Variants in TMEM164 observed in about 807,000 individuals in gnomAD.
TMEM164 encodes transmembrane protein 164.
Under a neutral mutation model 18.8 loss-of-function variants are expected in TMEM164, and 4 were observed. The ratio of observed to expected loss-of-function variants is 0.21; its 90% CI spans 0.10 to 0.49. The LOEUF is 0.49. Ranked by LOEUF, TMEM164 falls within the 20% of genes least tolerant of loss-of-function variation. The pLI is 0.98. For missense variants in TMEM164, 108 were observed against 239.9 expected (o/e 0.45, Z 3.63); for synonymous variants, 86 against 101.7 (o/e 0.85, Z 0.93).
At chrX:110,041,716 G>A (rs929603232) in intron 2 of TMEM164, among the ~76,000 whole-genome samples, 2 of 111,943 alleles carry the variant, frequency 1.8e-5, no homozygotes, top group Non-Finnish European at 3.8e-5. Flanking sequence ...GTACTTCAGA[G>A]CTGAGGCATG....
intron 3 of TMEM164, among the ~76,000 whole-genome samples, chrX:110,092,539 T>C (rs938416377): frequency 2.7e-5 from 3 of 112,037 alleles, no homozygotes; most frequent in Non-Finnish European, 5.6e-5. Context: ...AGAATGCTTG[T>C]GATTTTTGCA....
chrX:110,077,959 C>G (rs1353743070), intron 3 of TMEM164, among the ~76,000 whole-genome samples: 2 of 111,430 alleles, frequency 1.8e-5, no homozygotes, highest in Non-Finnish European at 3.8e-5. Context: ...TGTATAGTAT[C>G]TTGCAGGAGT....
chrX:110,015,067 C>T, intron 2 of TMEM164, among the ~76,000 whole-genome samples: 1 of 112,121 alleles, frequency 8.9e-6, no homozygotes. Flanking sequence ...ACCAGCTCTC[C>T]TCCTTTTCAA....
At chrX:110,091,740 T>A (rs1172629582) in intron 3 of TMEM164, among the ~76,000 whole-genome samples, 1 of 112,332 alleles carries the variant, frequency 8.9e-6, no homozygotes, top group Non-Finnish European at 1.9e-5. Context: ...ATTTTGTCTT[T>A]TGTTGCCATT....
At position 110,060,821 on chromosome X, in the gene TMEM164, T is replaced by A. The variant is rs112448005; in HGVS notation, c.391-6526T>A. 4.6e-3 allele frequency among the ~76,000 whole-genome samples: 512 copies of A among 112,210 alleles called. 3 individuals carry two copies. The highest frequency in any genetic ancestry group is 0.015 in the African/African-American group (467 of 30,903). On this transcript the variant is annotated intron_variant, in intron 2 of 6. Coordinates refer to ENST00000372068, the MANE Select transcript of TMEM164 (RefSeq NM_032227.4). ...TTTGGGTTTATCTGATGTTTTTTCA[T>A]GATTCCATTGAGATTATACAATTTG...
intron 2 of TMEM164, among the ~76,000 whole-genome samples, chrX:110,066,078 C>T (rs1602559361): frequency 8.9e-6 from 1 of 111,776 alleles, no homozygotes; most frequent in East Asian, 2.8e-4. Flanking sequence ...GGACTCCTGA[C>T]TGTGTTCTTT....
intron 2 of TMEM164, among the ~76,000 whole-genome samples, chrX:110,030,763 A>T (rs1300272778): frequency 1.9e-5 from 2 of 102,618 alleles, no homozygotes; most frequent in East Asian, 6.1e-4. Context: ...GTGAGCTGAG[A>T]TCGCGCCACT....
chrX:110,027,578 G>C (rs1934258981), intron 2 of TMEM164, among the ~76,000 whole-genome samples: 1 of 109,685 alleles, frequency 9.1e-6, no homozygotes, highest in South Asian at 3.9e-4. Flanking sequence ...TGACCAATAT[G>C]GTGAAACCCC....
intron 3 of TMEM164, among the ~76,000 whole-genome samples, chrX:110,086,608 ATGTATATATGTGTATATATGTATATATG>A (rs2065855971): frequency 1.1e-5 from 1 of 92,117 alleles, no homozygotes; most frequent in Non-Finnish European, 2.1e-5. Flanking sequence ...ATGTGTATAT[ATGTATATATGTGTATATATGTATATATG>A]TGTATATATA....
intron 3 of TMEM164, among the ~76,000 whole-genome samples, chrX:110,075,924 T>C (rs2065664073): frequency 9.0e-6 from 1 of 110,940 alleles, no homozygotes; most frequent in Non-Finnish European, 1.9e-5. Flanking sequence ...AGTTTTCTTT[T>C]TTCACTGTGT....
In TMEM164 at chrX:110,003,887, G is replaced by A; in HGVS notation, c.113G>A (p.Arg38Gln). The change falls in exon 2 of 7, where the codon CGG becomes CAG. Residue 38 changes from arginine to glutamine, a missense_variant. Physicochemically the swap from Arg to Gln is conservative, Grantham distance 43. Transcript: ENST00000372068. Reference protein sequence around the residue: ...DCAAFLSWQQRLLESVVVLTL... With the variant: ...DCAAFLSWQQQLLESVVVLTL... ...GCTGCCTTCCTCTCTTGGCAGCAGC[G>A]GCTGCTGGAAAGTGTGGTGGTCCTG... 2 of 1,211,702 alleles carry A rather than the reference G, an allele frequency of 1.7e-6. No individual in the cohort carries two copies. Among genetic ancestry groups the A allele is most frequent in the Non-Finnish European group, 2.2e-6 (2 of 895,453 alleles).
intron 2 of TMEM164, among the ~76,000 whole-genome samples, chrX:110,058,861 C>T (rs1403102140): frequency 4.6e-5 from 5 of 108,393 alleles, no homozygotes; most frequent in African/African-American, 1.7e-4. Context: ...AAACTCCTGA[C>T]CTCAAGTGAT....
chrX:110,058,042 T>C (rs1410763167), intron 2 of TMEM164, among the ~76,000 whole-genome samples: 1 of 111,700 alleles, frequency 9.0e-6, no homozygotes, highest in Non-Finnish European at 1.9e-5. Context: ...TTTCAAGAAG[T>C]TTTTCCTATG....
chrX:110,050,092 G>A (rs1435651452), intron 2 of TMEM164, among the ~76,000 whole-genome samples: 6 of 111,668 alleles, frequency 5.4e-5, no homozygotes, highest in African/African-American at 1.6e-4. Context: ...GCTTTGCCCC[G>A]TCACTGATTT....
rs142222896 is a variant in TMEM164 at position 110,146,264 on chromosome X, A to G, written c.586+1388A>G. The stretch of plus-strand genomic sequence containing the variant: ...GGTGTGTGATGGAAGTCCTAGCCAA[A>G]TCTGCATGGCTGTTATTTAAACATA... On this transcript the variant is annotated intron_variant, in intron 5 of 6. Coordinates refer to ENST00000372068, the MANE Select transcript of TMEM164 (RefSeq NM_032227.4). 2.4e-3 allele frequency among the ~76,000 whole-genome samples: 268 copies of G among 112,208 alleles called. 4 individuals are homozygous for G. Among genetic ancestry groups the G allele is most frequent in the African/African-American group, 8.1e-3 (251 of 30,856 alleles).
Position 110,173,705 on chromosome X carries a change from T to C in TMEM164, c.*254T>C, listed in dbSNP as rs1207788414. On this transcript the variant is annotated 3_prime_UTR_variant, in exon 7 of 7. Coordinates refer to ENST00000372068, the MANE Select transcript of TMEM164 (RefSeq NM_032227.4). Reference sequence around the variant, plus strand: ...CCTTTGGCTCTCTCTCTGCTCCTAGTGGCCTTACATGGGGAGATTGCAGTG... The same window carrying C: ...CCTTTGGCTCTCTCTCTGCTCCTAGCGGCCTTACATGGGGAGATTGCAGTG... The C allele has an allele frequency of 1.8e-5, 7 of 383,905 alleles. No individual in the cohort carries two copies. Among genetic ancestry groups the C allele is most frequent in the Non-Finnish European group, 2.7e-5 (6 of 222,369 alleles). 31.6% of individuals were successfully genotyped at this position (383,905 alleles called of 1,213,427 possible). A position where few individuals can be genotyped will look rare whatever the true frequency, so the allele number is the denominator to read the frequency against.
At chrX:110,099,863 T>G (rs1046350543) in intron 3 of TMEM164, among the ~76,000 whole-genome samples, 7 of 112,191 alleles carry the variant, frequency 6.2e-5, no homozygotes, top group Non-Finnish European at 1.1e-4. Flanking sequence ...TTTATTTAGG[T>G]CTTTTATTTT....
intron 5 of TMEM164, among the ~76,000 whole-genome samples, chrX:110,151,652 G>T (rs956098973): frequency 1.8e-5 from 2 of 110,963 alleles, no homozygotes; most frequent in East Asian, 2.8e-4. Context: ...GTGGTGGTGC[G>T]CATGCCCGTA....
intron 4 of TMEM164, among the ~76,000 whole-genome samples, chrX:110,144,057 G>T (rs1352055643): frequency 9.0e-5 from 10 of 111,702 alleles, no homozygotes; most frequent in Non-Finnish European, 3.8e-5. Flanking sequence ...AGGAGCGAGT[G>T]AGTGGGTGTG....
Sources: gnomAD v4.1 joint callset for allele counts (sites outside exome capture counted in the v4.1 genomes callset) on GRCh38, gnomAD v4.1.1 for gene constraint, MANE v1.5 for transcripts, NCBI Gene and HGNC (gene_info 2026-07-23, HGNC 2026-07-21) for gene names.